The following PPP1R9A variants were observed in gnomAD, a reference collection of about 807,000 sequenced individuals.
PPP1R9A encodes protein phosphatase 1 regulatory subunit 9A.
Under a neutral mutation model 141.9 loss-of-function variants are expected in PPP1R9A, and 59 were observed. That is an observed-to-expected ratio of 0.42 (90% CI 0.34 to 0.52). The LOEUF is 0.52. Ranked by LOEUF, PPP1R9A falls within the 20% of genes least tolerant of loss-of-function variation. The pLI, the probability that PPP1R9A is intolerant of heterozygous loss-of-function variation, is 0.10. For missense variants in PPP1R9A, 1,444 were observed against 1,611.9 expected (o/e 0.90, Z 1.78); for synonymous variants, 500 against 569.7 (o/e 0.88, Z 1.74).
intron 3 of PPP1R9A, among the ~76,000 whole-genome samples, chr7:95,118,796 C>A (rs1348064924): frequency 1.3e-5 from 2 of 148,394 alleles, no homozygotes; most frequent in Admixed American, 1.3e-4. Context: ...CATGGTGAAA[C>A]CCTGTCTGTA....
intron 14 of PPP1R9A, among the ~76,000 whole-genome samples, chr7:95,273,364 C>T (rs1318317472): frequency 6.6e-6 from 1 of 152,232 alleles, no homozygotes; most frequent in African/African-American, 2.4e-5. Context: ...GGACCGGCCA[C>T]AGGCCATTAG....
At chr7:94,949,699 A>G (rs745341654) in intron 2 of PPP1R9A, among the ~76,000 whole-genome samples, 23 of 151,852 alleles carry the variant, frequency 1.5e-4, no homozygotes, top group Non-Finnish European at 2.4e-4. Context: ...TGGGGCAGGA[A>G]CCTCACCTGG....
intron 2 of PPP1R9A, among the ~76,000 whole-genome samples, chr7:94,917,925 C>T (rs1237154401): frequency 6.6e-6 from 1 of 152,122 alleles, no homozygotes; most frequent in Non-Finnish European, 1.5e-5. Flanking sequence ...AGATTTTTTT[C>T]TAACACTTTC....
intron 2 of PPP1R9A, among the ~76,000 whole-genome samples, chr7:95,027,978 G>T (rs550261226): frequency 3.9e-5 from 6 of 152,162 alleles, no homozygotes; most frequent in Admixed American, 3.9e-4. Flanking sequence ...TGACCTGCCT[G>T]TGTATTTACT....
At chr7:94,915,162 C>T (rs1791918902) in intron 2 of PPP1R9A, among the ~76,000 whole-genome samples, 5 of 152,190 alleles carry the variant, frequency 3.3e-5, no homozygotes, top group Admixed American at 2.6e-4. Context: ...TGGAGCTTTA[C>T]AGGATTAGAA....
chr7:95,172,999 A>C (rs897358913), intron 5 of PPP1R9A, among the ~76,000 whole-genome samples: 2 of 151,892 alleles, frequency 1.3e-5, no homozygotes, highest in African/African-American at 2.4e-5. Flanking sequence ...AAAATTAAAT[A>C]GTCTCATTGA....
rs1563371122 is a variant in PPP1R9A, at chr7:95,181,683, CCG to C, written c.1755-16665_1755-16664del. On this transcript the variant is annotated intron_variant, in intron 5 of 19. Coordinates refer to ENST00000433360, the MANE Select transcript of PPP1R9A (RefSeq NM_001166160.2). ...CATATATATAGAATATATATATATT[CCG>C]TCACATATATATAGAATATATATAT... Among the ~76,000 whole-genome samples, 400 of 124,942 alleles carry C rather than the reference CCG, an allele frequency of 3.2e-3. 1 individual carries two copies. Among genetic ancestry groups the C allele is most frequent in the African/African-American group, 4.2e-3 (138 of 32,798 alleles). The allele number at this position is 124,942 out of a possible 152,430, so 82.0% of individuals were successfully genotyped here.
intron 2 of PPP1R9A, among the ~76,000 whole-genome samples, chr7:95,028,390 A>G (rs946031765): frequency 1.4e-4 from 22 of 152,334 alleles, no homozygotes; most frequent in African/African-American, 5.0e-4. Flanking sequence ...CTTTCATAAA[A>G]ATGAATTCAT....
intron 7 of PPP1R9A, among the ~76,000 whole-genome samples, chr7:95,223,657 T>C (rs575609277): frequency 1.1e-4 from 17 of 152,176 alleles, no homozygotes; most frequent in Admixed American, 9.8e-4. Context: ...AAATTGTTCA[T>C]TTCAACTCAT....
chr7:95,271,749 A>G (rs1038394896), intron 14 of PPP1R9A, among the ~76,000 whole-genome samples: 1 of 152,192 alleles, frequency 6.6e-6, no homozygotes, highest in Non-Finnish European at 1.5e-5. Flanking sequence ...TGAGGCACCC[A>G]ATCTGGGGGC....
At chr7:95,043,664 C>G (rs1168930735) in intron 2 of PPP1R9A, among the ~76,000 whole-genome samples, 4 of 152,188 alleles carry the variant, frequency 2.6e-5, no homozygotes, top group African/African-American at 9.7e-5. Context: ...GCCTGTCTTA[C>G]AACATATTTT....
At chr7:95,083,162 A>G (rs1218714936) in intron 2 of PPP1R9A, among the ~76,000 whole-genome samples, 1 of 152,016 alleles carries the variant, frequency 6.6e-6, no homozygotes, top group African/African-American at 2.4e-5. Flanking sequence ...TATGTGATAT[A>G]GGAGCCTTCA....
chr7:95,072,720 GTATATT>G (rs1351335673), intron 2 of PPP1R9A, among the ~76,000 whole-genome samples: 1 of 97,844 alleles, frequency 1.0e-5, no homozygotes, highest in Non-Finnish European at 1.9e-5. Context: ...TATATTATAT[GTATATT>G]TATTACATAT....
chr7:95,167,608 G>C (rs953961729), intron 5 of PPP1R9A, among the ~76,000 whole-genome samples: 4 of 152,006 alleles, frequency 2.6e-5, no homozygotes, highest in African/African-American at 9.7e-5. Context: ...ATGTCAAACG[G>C]TCCCTCTTTT....
chr7:95,183,233 G>A (rs1834119995), intron 5 of PPP1R9A, among the ~76,000 whole-genome samples: 1 of 151,746 alleles, frequency 6.6e-6, no homozygotes, highest in African/African-American at 2.4e-5. Context: ...TGCCTCCCAG[G>A]TTCAAGTGAT....
At chr7:95,055,995 T>G (rs185592753) in intron 2 of PPP1R9A, among the ~76,000 whole-genome samples, 163 of 152,298 alleles carry the variant, frequency 1.1e-3, no homozygotes, top group Non-Finnish European at 1.9e-3. Context: ...CTAACTTGTA[T>G]TGTTATTTAA....
At chr7:95,085,514 A>T (rs958490584) in intron 2 of PPP1R9A, among the ~76,000 whole-genome samples, 1 of 150,000 alleles carries the variant, frequency 6.7e-6, no homozygotes, top group Non-Finnish European at 1.5e-5. Context: ...TGCTGGGTTC[A>T]AGCGATTCTC....
intron 2 of PPP1R9A, among the ~76,000 whole-genome samples, chr7:95,010,701 C>A (rs570676176): frequency 1.3e-5 from 2 of 151,818 alleles, no homozygotes; most frequent in East Asian, 1.9e-4. Flanking sequence ...TTGCCTTCAC[C>A]TTTAGTTTAC....
intron 1 of PPP1R9A, among the ~76,000 whole-genome samples, chr7:94,909,207 C>T (rs952588074): frequency 2.0e-5 from 3 of 152,102 alleles, no homozygotes; most frequent in Non-Finnish European, 4.4e-5. Flanking sequence ...CGCATTTATT[C>T]CCTTGGTAGT....
Sources: allele counts gnomAD v4.1 joint callset (sites outside exome capture counted in the v4.1 genomes callset), GRCh38; gene constraint gnomAD v4.1.1; transcripts MANE v1.5; gene names NCBI Gene and HGNC (gene_info 2026-07-23, HGNC 2026-07-21).